ICA1L: variants seen among roughly 807,000 people sequenced by gnomAD.
The protein encoded by ICA1L is islet cell autoantigen 1 like.
In ICA1L, 50 loss-of-function variants were observed where a neutral mutation model predicts 61.3. The ratio of observed to expected loss-of-function variants is 0.82; its 90% CI spans 0.65 to 1.03. The LOEUF (loss-of-function observed/expected upper bound fraction) is 1.03, where lower values mean the gene tolerates loss of function less well. Ranked by LOEUF, ICA1L falls within the 50% of genes least tolerant of loss-of-function variation. The pLI is 0.00. For synonymous variants in ICA1L, 161 were observed against 191.3 expected (o/e 0.84, Z 1.31); for missense variants, 508 against 556.7 (o/e 0.91, Z 0.88).
At chr2:202,788,464 G>A (rs982688744) in intron 11 of ICA1L, among the ~76,000 whole-genome samples, 1 of 152,150 alleles carries the variant, frequency 6.6e-6, no homozygotes, top group African/African-American at 2.4e-5. Flanking sequence ...AGCCTCCAGA[G>A]CTGTTCTTTT....
intron 8 of ICA1L, among the ~76,000 whole-genome samples, chr2:202,812,474 G>A (rs1345336643): frequency 1.3e-5 from 2 of 152,108 alleles, no homozygotes; most frequent in Admixed American, 1.3e-4. Context: ...CTACCCAGGA[G>A]GCTGAGGCAG....
intron 12 of ICA1L, among the ~76,000 whole-genome samples, 166 bp from the exon 13 acceptor site, chr2:202,779,814 T>G (rs56193304): frequency 0.1 from 15,236 of 151,464 alleles, 879 homozygotes; most frequent in Non-Finnish European, 0.13. Context: ...TTTTTTTTTT[T>G]TTTGTTTTCG....
intron 11 of ICA1L, among the ~76,000 whole-genome samples, chr2:202,786,387 A>AAAAT (rs1156481967): frequency 6.6e-6 from 1 of 151,642 alleles, no homozygotes; most frequent in East Asian, 1.9e-4. Flanking sequence ...TCTACTAAAA[A>AAAAT]AAATACAAAA....
intron 12 of ICA1L, among the ~76,000 whole-genome samples, chr2:202,784,618 G>A (rs72932725): frequency 0.093 from 14,112 of 152,238 alleles, 767 homozygotes; most frequent in Non-Finnish European, 0.13. Context: ...TGTTGTATCT[G>A]TCAAACAGAG....
At chr2:202,836,998 A>G (rs1694171051) in intron 1 of ICA1L, among the ~76,000 whole-genome samples, 1 of 150,578 alleles carries the variant, frequency 6.6e-6, no homozygotes, top group Admixed American at 6.6e-5. Context: ...TGTGCCACCA[A>G]GCCCAGGTAA....
At chr2:202,870,523 T>TA (rs1687671106) in intron 1 of ICA1L, 1 of 152,202 alleles carries the variant, frequency 6.6e-6, no homozygotes, top group Non-Finnish European at 1.5e-5. Flanking sequence ...TAAAAATACA[T>TA]ACATACCATT....
At chr2:202,864,974 G>A (rs1199351) in intron 1 of ICA1L, among the ~76,000 whole-genome samples, 1 of 151,982 alleles carries the variant, frequency 6.6e-6, no homozygotes, top group Non-Finnish European at 1.5e-5. Context: ...GATCAGCCTG[G>A]CCAACAGAGA....
At chr2:202,783,292 A>G (rs756517739) in intron 12 of ICA1L, among the ~76,000 whole-genome samples, 1 of 152,242 alleles carries the variant, frequency 6.6e-6, no homozygotes, top group Non-Finnish European at 1.5e-5. Context: ...CCCACAAGAT[A>G]CTTACGAATT....
At chr2:202,818,947 G>A (rs1267122826) in intron 5 of ICA1L, among the ~76,000 whole-genome samples, 2 of 152,180 alleles carry the variant, frequency 1.3e-5, no homozygotes, top group African/African-American at 2.4e-5. Flanking sequence ...TAGTGCATTC[G>A]CAATGTTGTT....
At chr2:202,807,675 A>G (rs1251011658) in intron 9 of ICA1L, among the ~76,000 whole-genome samples, 1 of 152,004 alleles carries the variant, frequency 6.6e-6, no homozygotes, top group Non-Finnish European at 1.5e-5. Flanking sequence ...CCCTCCTCCA[A>G]TCCCAGGCAG....
Position 202,821,325 on chromosome 2 carries a change from A to G in ICA1L, c.359+33T>C, listed in dbSNP as rs376396184. ...ACATGTCAAAACTGTCAGATTGACT[A>G]CAGATTCAAGATAATGAACAACCAT... On this transcript the variant is annotated intron_variant, in intron 4 of 12. Transcript: ENST00000358299. The G allele has an allele frequency of 1.8e-5, 29 of 1,600,074 alleles. No individual in the cohort carries two copies. In the African/African-American group the frequency reaches 3.6e-4, roughly 20 times the overall value.
rs925723853 is a variant in ICA1L, at chr2:202,777,044, C to A, written c.*2489G>T. The A allele has an allele frequency of 1.5e-5, 1 of 68,578 alleles. No individual in the cohort carries two copies. Among genetic ancestry groups the A allele is most frequent in the African/African-American group, 6.6e-5 (1 of 15,256 alleles). 4.2% of individuals were successfully genotyped at this position (68,578 alleles called of 1,614,324 possible). ...ACAAACTCTCAAGACATAAAGTTAG[C>A]TTTTTTTTTTTTTTTTTTTTTTTTT... On this transcript the variant is annotated 3_prime_UTR_variant, in exon 13 of 13. Transcript: ENST00000358299.
intron 10 of ICA1L, among the ~76,000 whole-genome samples, chr2:202,794,337 C>T (rs1692849829): frequency 7.9e-6 from 1 of 126,478 alleles, no homozygotes; most frequent in Non-Finnish European, 1.7e-5. Context: ...CACAGTGAGA[C>T]TCCATCTCAA....
chr2:202,802,385 G>A (rs1401970540), intron 9 of ICA1L, among the ~76,000 whole-genome samples: 1 of 151,992 alleles, frequency 6.6e-6, no homozygotes, highest in Non-Finnish European at 1.5e-5. Flanking sequence ...GAAAATGGAG[G>A]AGAGAGACTA....
chr2:202,829,092 T>A, intron 1 of ICA1L, 76 bp from the exon 2 acceptor site: 2 of 1,250,972 alleles, frequency 1.6e-6, no homozygotes, highest in South Asian at 1.6e-5. Flanking sequence ...CTCACGCCTG[T>A]AATTCCACAA....
intron 10 of ICA1L, among the ~76,000 whole-genome samples, chr2:202,795,284 C>T (rs1270778410): frequency 6.6e-6 from 1 of 151,662 alleles, no homozygotes; most frequent in Non-Finnish European, 1.5e-5. Context: ...AGCCACCGCG[C>T]CCGGCCCTAA....
chr2:202,805,871 G>A (rs1693210307), intron 9 of ICA1L, among the ~76,000 whole-genome samples: 1 of 152,082 alleles, frequency 6.6e-6, no homozygotes, highest in Non-Finnish European at 1.5e-5. Context: ...TTTCCTTTGT[G>A]ACTTAAAAAA....
chr2:202,843,352 CTCTG>C (rs1249138584), intron 1 of ICA1L, among the ~76,000 whole-genome samples: 1 of 152,164 alleles, frequency 6.6e-6, no homozygotes, highest in Non-Finnish European at 1.5e-5. Context: ...CTCTGTGCAG[CTCTG>C]TCTGCTGAGA....
Position 202,788,885 on chromosome 2 carries a change from T to A in ICA1L, c.1188A>T (p.Arg396=). 1.9e-6 allele frequency: 3 copies of A among 1,614,016 alleles called. No individual in the cohort carries two copies. The highest frequency in any genetic ancestry group is 2.5e-6 in the Non-Finnish European group (3 of 1,179,960). ...GGTCAAAGAGTTGTGAAGGAAGGAA[T>A]CGAGAAGAATGAGCGAGGGGCTCAG... is the stretch of plus-strand genomic sequence containing the variant. ...MGSEPLAHSS[R]FLPSQLFDLG... is the part of the protein sequence containing the mutation. Residue 396 remains arginine (R), a synonymous_variant, in exon 11 of 13, where the codon CGA becomes CGT. Coordinates refer to ENST00000358299, the MANE Select transcript of ICA1L (RefSeq NM_001288622.3).
Sources: gnomAD v4.1 joint callset for allele counts (sites outside exome capture counted in the v4.1 genomes callset) on GRCh38, gnomAD v4.1.1 for gene constraint, MANE v1.5 for transcripts, NCBI Gene and HGNC (gene_info 2026-07-23, HGNC 2026-07-21) for gene names.